The following LRRC4C variants were observed in gnomAD, a reference collection of about 807,000 sequenced individuals.
LRRC4C encodes the protein leucine-rich repeat-containing protein 4C.
LRRC4C carries 5 observed loss-of-function variants against 33.6 expected under a neutral mutation model. The observed-to-expected ratio is 0.15, with a 90% CI of 0.08 to 0.31. LRRC4C has a LOEUF of 0.31. Ranked by LOEUF, LRRC4C falls within the 10% of genes least tolerant of loss-of-function variation. The pLI is 1.00. For synonymous variants in LRRC4C, 329 were observed against 302.0 expected (o/e 1.09, Z -0.93); for missense variants, 560 against 796.7 (o/e 0.70, Z 3.58).
intron 4 of LRRC4C, among the ~76,000 whole-genome samples, chr11:40,288,634 C>T (rs967600917): frequency 3.3e-5 from 5 of 152,248 alleles, no homozygotes; most frequent in Admixed American, 6.5e-5. Context: ...AAGATTTGCA[C>T]GTGTAAACAA....
At chr11:41,380,670 G>T (rs1208267025) in intron 1 of LRRC4C, among the ~76,000 whole-genome samples, 1 of 152,132 alleles carries the variant, frequency 6.6e-6, no homozygotes, top group Non-Finnish European at 1.5e-5. Context: ...AACCCATAAA[G>T]AAAAAATGAA....
At chr11:40,294,924 C>A (rs1418575134) in intron 4 of LRRC4C, among the ~76,000 whole-genome samples, 1 of 152,044 alleles carries the variant, frequency 6.6e-6, no homozygotes, top group Non-Finnish European at 1.5e-5. Flanking sequence ...AGGCTGCGGT[C>A]GAGCAGGATA....
intron 1 of LRRC4C, among the ~76,000 whole-genome samples, chr11:41,204,134 C>G (rs1946504991): frequency 6.6e-6 from 1 of 152,124 alleles, no homozygotes. Context: ...AGACAAGAGC[C>G]TTCAAGAACA....
chr11:40,810,863 C>A (rs939976330), intron 2 of LRRC4C, among the ~76,000 whole-genome samples: 2 of 152,084 alleles, frequency 1.3e-5, no homozygotes, highest in Admixed American at 1.3e-4. Flanking sequence ...CCCACATAAC[C>A]CTTTACAGTC....
At chr11:40,527,779 A>G (rs1032040205) in intron 3 of LRRC4C, among the ~76,000 whole-genome samples, 8 of 151,584 alleles carry the variant, frequency 5.3e-5, no homozygotes, top group Non-Finnish European at 1.2e-4. Flanking sequence ...GCAGAGTGTC[A>G]CTCTTGTTAC....
intron 5 of LRRC4C, among the ~76,000 whole-genome samples, chr11:40,215,884 T>C (rs911199983): frequency 5.3e-5 from 8 of 152,060 alleles, no homozygotes; most frequent in Admixed American, 3.3e-4. Context: ...GAATGGACAC[T>C]CTTTGGCAAG....
intron 4 of LRRC4C, among the ~76,000 whole-genome samples, chr11:40,255,071 G>C (rs1261589478): frequency 6.6e-6 from 1 of 152,054 alleles, no homozygotes; most frequent in East Asian, 1.9e-4. Context: ...AAAGCTCTGG[G>C]ATTACAAGCG....
chr11:40,763,064 T>TATACACACAC (rs1491540489), intron 2 of LRRC4C, among the ~76,000 whole-genome samples: 1 of 148,968 alleles, frequency 6.7e-6, no homozygotes, highest in Non-Finnish European at 1.5e-5. Flanking sequence ...TATATATATG[T>TATACACACAC]ATATATATGT....
At chr11:40,893,866 T>A (rs1023923819) in intron 2 of LRRC4C, among the ~76,000 whole-genome samples, 1 of 151,914 alleles carries the variant, frequency 6.6e-6, no homozygotes, top group African/African-American at 2.4e-5. Context: ...CACAGAGGCA[T>A]ATATATCTCT....
At chr11:41,082,700 C>T (rs1197836138) in intron 1 of LRRC4C, among the ~76,000 whole-genome samples, 1 of 152,190 alleles carries the variant, frequency 6.6e-6, no homozygotes, top group African/African-American at 2.4e-5. Context: ...CTCTTAACTG[C>T]TTCTATACAC....
chr11:41,295,936 A>G (rs1950129324), intron 1 of LRRC4C, among the ~76,000 whole-genome samples: 1 of 152,220 alleles, frequency 6.6e-6, no homozygotes, highest in Non-Finnish European at 1.5e-5. Context: ...TATCTAATCC[A>G]TGTTTAGCTG....
intron 1 of LRRC4C, among the ~76,000 whole-genome samples, chr11:41,219,301 A>T (rs1947201182): frequency 6.6e-6 from 1 of 152,186 alleles, no homozygotes; most frequent in Admixed American, 6.5e-5. Flanking sequence ...GTGAGGATGA[A>T]GATACTTTTC....
intron 5 of LRRC4C, among the ~76,000 whole-genome samples, chr11:40,210,225 C>T (rs1425126916): frequency 1.3e-5 from 2 of 151,626 alleles, no homozygotes; most frequent in Non-Finnish European, 2.9e-5. Context: ...CCAAGATCGG[C>T]CTGGGCGACA....
At chr11:40,772,303 A>G (rs564627507) in intron 2 of LRRC4C, among the ~76,000 whole-genome samples, 66 of 152,180 alleles carry the variant, frequency 4.3e-4, no homozygotes, top group Non-Finnish European at 8.2e-4. Context: ...ACTCACTATC[A>G]TGAGAAGAGC....
chr11:41,136,631 C>T (rs1484133564), intron 1 of LRRC4C, among the ~76,000 whole-genome samples: 1 of 152,120 alleles, frequency 6.6e-6, no homozygotes. Flanking sequence ...AGGATCTTGG[C>T]CTAGAGTCCT....
chr11:40,313,442 G>T (rs1945412170), intron 4 of LRRC4C, among the ~76,000 whole-genome samples: 1 of 151,888 alleles, frequency 6.6e-6, no homozygotes. Context: ...AGGGCCATCT[G>T]TTCAATAAAT....
At chr11:40,910,934 G>A (rs1956648805) in intron 2 of LRRC4C, among the ~76,000 whole-genome samples, 1 of 152,202 alleles carries the variant, frequency 6.6e-6, no homozygotes, top group African/African-American at 2.4e-5. Flanking sequence ...TACGCCCATG[G>A]AGCCTCACTC....
rs1945745887 is a variant in LRRC4C at position 40,319,687 on chromosome 11, A to T, written c.-235T>A. 6.6e-6 allele frequency: 1 copy of T among 152,220 alleles called. No individual in the cohort carries two copies. Among genetic ancestry groups the T allele is most frequent in the African/African-American group, 2.4e-5 (1 of 41,464 alleles). The allele number at this position is 152,220 out of a possible 1,614,324, so 9.4% of individuals were successfully genotyped here. ...CTGAGAAAACTCAAAGAAGTTTAAT[A>T]AGTGCTCTGGATTTCTGCAGATACT... On this transcript the variant is annotated 5_prime_UTR_variant, in exon 4 of 7. Coordinates refer to ENST00000528697, the MANE Select transcript of LRRC4C (RefSeq NM_001258419.2).
intron 1 of LRRC4C, among the ~76,000 whole-genome samples, chr11:41,214,102 C>T (rs1162772164): frequency 6.6e-6 from 1 of 152,252 alleles, no homozygotes; most frequent in East Asian, 1.9e-4. Flanking sequence ...ACTTGCCTGC[C>T]ATATTTAGCT....
Sources: allele counts gnomAD v4.1 joint callset (sites outside exome capture counted in the v4.1 genomes callset), GRCh38; gene constraint gnomAD v4.1.1; transcripts MANE v1.5; gene names NCBI Gene and HGNC (gene_info 2026-07-23, HGNC 2026-07-21).